Variants in WWOX observed in about 807,000 individuals in gnomAD.
The protein encoded by WWOX is WW domain containing oxidoreductase, also known as WW domain-containing oxidoreductase.
WWOX carries 69 observed loss-of-function variants against 46.2 expected under a neutral mutation model. The observed-to-expected ratio is 1.49, with a 90% CI of 1.23 to 1.82. The LOEUF (loss-of-function observed/expected upper bound fraction) is 1.82. Ranked by LOEUF, WWOX falls within the 40% of genes most tolerant of loss-of-function variation. The pLI, the probability that WWOX is intolerant of heterozygous loss-of-function variation, is 0.00. For missense variants in WWOX, 919 were observed against 542.6 expected, an observed-to-expected ratio of 1.69 and a Z score of -6.89; for synonymous variants, 359 against 202.6, an observed-to-expected ratio of 1.77 and a Z score of -6.56.
intron 8 of WWOX, among the ~76,000 whole-genome samples, chr16:78,576,863 C>A (rs891762476): frequency 6.6e-6 from 1 of 152,180 alleles, no homozygotes; most frequent in African/African-American, 2.4e-5. Context: ...TATCTTAATC[C>A]TTTCTCAAGA....
intron 8 of WWOX, among the ~76,000 whole-genome samples, chr16:78,639,247 A>G (rs2046646440): frequency 6.6e-6 from 1 of 152,166 alleles, no homozygotes; most frequent in African/African-American, 2.4e-5. Context: ...CATCAATGAC[A>G]CATGCAGTGT....
intron 8 of WWOX, among the ~76,000 whole-genome samples, chr16:78,909,852 T>C (rs1049975569): frequency 6.6e-6 from 1 of 152,226 alleles, no homozygotes; most frequent in African/African-American, 2.4e-5. Context: ...AAATACTGCT[T>C]GGCAAATGGC....
intron 5 of WWOX, among the ~76,000 whole-genome samples, chr16:78,183,867 T>C (rs2035611185): frequency 6.6e-6 from 1 of 152,216 alleles, no homozygotes; most frequent in South Asian, 2.1e-4. Flanking sequence ...GTGTTGGATT[T>C]TGTAGGATGG....
intron 8 of WWOX, among the ~76,000 whole-genome samples, chr16:78,777,677 A>T (rs2050224916): frequency 6.6e-6 from 1 of 152,186 alleles, no homozygotes; most frequent in African/African-American, 2.4e-5. Flanking sequence ...CAGAGTTCCA[A>T]GCCTTTACCT....
rs562588837 is a variant in WWOX at position 78,169,606 on chromosome 16, T to G, written c.516+5317T>G. Among the ~76,000 whole-genome samples the G allele has an allele frequency of 2.0e-5, 3 of 152,256 alleles. No individual in the cohort carries two copies. The East Asian group carries it at 5.8e-4, about 30-fold the overall frequency. ...AGACCCCAGTGGGGCTCTGAGTTCC[T>G]CCTTCTTCTGTTTCTATTAGATTTC... On this transcript the variant is annotated intron_variant, in intron 5 of 8. Transcript: ENST00000566780.
chr16:78,757,125 C>T (rs2049670521), intron 8 of WWOX: 2 of 671,436 alleles, frequency 3.0e-6, no homozygotes, highest in Middle Eastern at 6.8e-4. Flanking sequence ...CTATCTAGAA[C>T]CACCGAGCTA....
chr16:78,216,515 G>A (rs1218184437), intron 5 of WWOX, among the ~76,000 whole-genome samples: 4 of 123,784 alleles, frequency 3.2e-5, no homozygotes, highest in African/African-American at 1.3e-4. Context: ...AGGCTCTGGG[G>A]GAAGGTCGTT....
chr16:78,927,762 C>T (rs1374999849), intron 8 of WWOX, among the ~76,000 whole-genome samples: 1 of 152,146 alleles, frequency 6.6e-6, no homozygotes, highest in African/African-American at 2.4e-5. Flanking sequence ...CGTTTCATTG[C>T]TCCAGCGTGG....
intron 8 of WWOX, among the ~76,000 whole-genome samples, chr16:78,598,637 T>G (rs1344950438): frequency 6.6e-6 from 1 of 152,124 alleles, no homozygotes; most frequent in Non-Finnish European, 1.5e-5. Flanking sequence ...GGCAAACGTT[T>G]TGAAAAGAAA....
intron 5 of WWOX, among the ~76,000 whole-genome samples, chr16:78,354,032 A>G (rs2081234864): frequency 6.6e-6 from 1 of 152,226 alleles, no homozygotes; most frequent in African/African-American, 2.4e-5. Context: ...ATAAGAATTC[A>G]GTCTACGCAA....
intron 8 of WWOX, among the ~76,000 whole-genome samples, chr16:78,588,129 G>C (rs563693835): frequency 6.7e-6 from 1 of 150,198 alleles, no homozygotes; most frequent in East Asian, 1.9e-4. Context: ...CAGGTGCAGA[G>C]AGGGGGTTAG....
intron 8 of WWOX, among the ~76,000 whole-genome samples, chr16:78,689,761 C>G (rs557339420): frequency 2.6e-5 from 4 of 152,308 alleles, no homozygotes; most frequent in Admixed American, 1.3e-4. Context: ...AGCCCTATCT[C>G]TCTCCCCTAT....
intron 8 of WWOX, among the ~76,000 whole-genome samples, chr16:78,742,000 C>A (rs561300779): frequency 1.3e-5 from 2 of 152,190 alleles, no homozygotes; most frequent in African/African-American, 4.8e-5. Flanking sequence ...TGCCTCCTAT[C>A]CTCTCTTCCC....
chr16:78,428,428 C>G (rs377600531), intron 7 of WWOX, among the ~76,000 whole-genome samples: 36 of 152,194 alleles, frequency 2.4e-4, no homozygotes, highest in African/African-American at 7.0e-4. Context: ...AGTGGACTAT[C>G]TGCCCAGGAG....
chr16:79,051,148 G>A (rs754051786), intron 8 of WWOX, among the ~76,000 whole-genome samples: 6 of 152,186 alleles, frequency 3.9e-5, no homozygotes, highest in Non-Finnish European at 8.8e-5. Context: ...CTGATCAGTT[G>A]TTAATATATG....
chr16:78,948,982 G>A (rs538566336), intron 8 of WWOX, among the ~76,000 whole-genome samples: 32 of 152,258 alleles, frequency 2.1e-4, no homozygotes, highest in African/African-American at 6.3e-4. Flanking sequence ...CACTGGCTTT[G>A]AAGATGGAGG....
chr16:78,966,539 G>A (rs1171726217), intron 8 of WWOX, among the ~76,000 whole-genome samples: 2 of 151,276 alleles, frequency 1.3e-5, no homozygotes, highest in Admixed American at 6.6e-5. Flanking sequence ...TCCCCTAATA[G>A]TGAAAATTTA....
intron 8 of WWOX, among the ~76,000 whole-genome samples, chr16:78,575,844 C>T (rs895371188): frequency 6.6e-6 from 1 of 152,210 alleles, no homozygotes; most frequent in East Asian, 1.9e-4. Context: ...ATAAATACTG[C>T]ATGGGACATT....
chr16:78,316,365 G>C (rs574269363), intron 5 of WWOX, among the ~76,000 whole-genome samples: 1 of 152,188 alleles, frequency 6.6e-6, no homozygotes, highest in Non-Finnish European at 1.5e-5. Flanking sequence ...ATTTAAAAAG[G>C]GTTTTGCTCT....
Sources: allele counts gnomAD v4.1 joint callset (sites outside exome capture counted in the v4.1 genomes callset), GRCh38; gene constraint gnomAD v4.1.1; transcripts MANE v1.5; gene names NCBI Gene and HGNC (gene_info 2026-07-23, HGNC 2026-07-21).